PACS1: variants seen among roughly 807,000 people sequenced by gnomAD.
The protein encoded by PACS1 is phosphofurin acidic cluster sorting protein 1.
In PACS1, 24 loss-of-function variants were observed where a neutral mutation model predicts 115.0. The ratio of observed to expected loss-of-function variants is 0.21; its 90% CI spans 0.15 to 0.29. The LOEUF is 0.29. Ranked by LOEUF, PACS1 falls within the 10% of genes least tolerant of loss-of-function variation. The probability of loss-of-function intolerance (pLI) is 1.00; values close to 1 mark genes in which losing one functional copy is unlikely to be tolerated. For synonymous variants in PACS1, 453 were observed against 504.5 expected (o/e 0.90, Z 1.37); for missense variants, 838 against 1,251.2 (o/e 0.67, Z 4.98).
At position 66,144,722 on chromosome 11, in the gene PACS1, C is replaced by T. The variant is rs527249525; in HGVS notation, c.357-48764C>T. Among the ~76,000 whole-genome samples, 3 of 152,336 alleles carry T rather than the reference C, an allele frequency of 2.0e-5. No homozygotes were observed. In the East Asian group the frequency reaches 5.8e-4, roughly 29 times the overall value. ...AATCTCGGCTCGCTGCAACCTCTGC[C>T]TCCCGGGTTCAAGCAATTCTCTTGC... is the stretch of plus-strand genomic sequence containing the variant. On this transcript the variant is annotated intron_variant, in intron 1 of 23. Coordinates refer to ENST00000320580, the MANE Select transcript of PACS1 (RefSeq NM_018026.4).
chr11:66,124,565 C>T (rs1388193778), intron 1 of PACS1, among the ~76,000 whole-genome samples: 1 of 152,128 alleles, frequency 6.6e-6, no homozygotes. Context: ...GCACTTTAAC[C>T]TTGTTCTTTA....
intron 1 of PACS1, among the ~76,000 whole-genome samples, chr11:66,101,623 A>C (rs1442553023): frequency 6.6e-6 from 1 of 152,212 alleles, no homozygotes; most frequent in Non-Finnish European, 1.5e-5. Context: ...TGGGGTCTTC[A>C]ACCTGATGTG....
At chr11:66,193,424 G>A (rs1854574240) in intron 1 of PACS1, 62 bp from the exon 2 acceptor site, 3 of 1,159,302 alleles carry the variant, frequency 2.6e-6, no homozygotes, top group Admixed American at 3.5e-5. Context: ...CTAACCAATT[G>A]TTCATCACTT....
rs184403656 is a variant in PACS1 at position 66,241,337 on chromosome 11, C to T, written c.2430-90C>T. The stretch of plus-strand genomic sequence containing the variant: ...TGCAGCCTTCCTCAGCCTGCCCTCC[C>T]GGGGACTGGCATGGCCCCTACCCCA... On this transcript the variant is annotated intron_variant, in intron 21 of 23. Coordinates refer to ENST00000320580, the MANE Select transcript of PACS1 (RefSeq NM_018026.4). 53 of 963,648 alleles carry T rather than the reference C, an allele frequency of 5.5e-5. No individual in the cohort carries two copies. The East Asian group carries it at 6.4e-4, about 12-fold the overall frequency. The allele number at this position is 963,648 out of a possible 1,614,324, so 59.7% of individuals were successfully genotyped here.
intron 2 of PACS1, among the ~76,000 whole-genome samples, chr11:66,208,686 G>T (rs1227565347): frequency 1.4e-5 from 2 of 138,756 alleles, no homozygotes; most frequent in African/African-American, 5.5e-5. Flanking sequence ...AGAAGAAAAA[G>T]AAAGAAAGGA....
At chr11:66,234,582 A>G (rs1270856081) in intron 17 of PACS1, among the ~76,000 whole-genome samples, 3 of 152,226 alleles carry the variant, frequency 2.0e-5, no homozygotes, top group Non-Finnish European at 2.9e-5. Flanking sequence ...CACTTGATAA[A>G]TGAATAGCAC....
chr11:66,124,709 G>A (rs1295706214), intron 1 of PACS1, among the ~76,000 whole-genome samples: 2 of 152,188 alleles, frequency 1.3e-5, no homozygotes, highest in Non-Finnish European at 2.9e-5. Flanking sequence ...GACATCTTAG[G>A]TCAGTGTGTG....
At chr11:66,144,826 G>A (rs894575260) in intron 1 of PACS1, among the ~76,000 whole-genome samples, 5 of 152,104 alleles carry the variant, frequency 3.3e-5, no homozygotes, top group African/African-American at 7.2e-5. Context: ...GTAGAGATAG[G>A]GTTTCACCAT....
intron 1 of PACS1, among the ~76,000 whole-genome samples, chr11:66,086,019 T>G: frequency 6.6e-6 from 1 of 152,034 alleles, no homozygotes; most frequent in East Asian, 1.9e-4. Flanking sequence ...AAATGGTGAA[T>G]AAATCTTCAT....
At chr11:66,202,815 C>T (rs1361837298) in intron 2 of PACS1, among the ~76,000 whole-genome samples, 1 of 132,602 alleles carries the variant, frequency 7.5e-6, no homozygotes, top group East Asian at 2.3e-4. Context: ...TTCAACAAGG[C>T]TTCATGATAA....
At chr11:66,141,599 A>G (rs922302863) in intron 1 of PACS1, among the ~76,000 whole-genome samples, 3 of 148,982 alleles carry the variant, frequency 2.0e-5, no homozygotes, top group Admixed American at 6.7e-5. Context: ...GGCTACAGTG[A>G]GCCGAGATCA....
intron 1 of PACS1, among the ~76,000 whole-genome samples, chr11:66,084,779 T>C (rs1362381109): frequency 6.6e-6 from 1 of 152,264 alleles, no homozygotes; most frequent in Non-Finnish European, 1.5e-5. Flanking sequence ...TTAGCGACTT[T>C]CTGTGAGAAT....
chr11:66,110,966 A>G (rs958459691), intron 1 of PACS1, among the ~76,000 whole-genome samples: 8 of 152,256 alleles, frequency 5.3e-5, no homozygotes, highest in East Asian at 1.9e-4. Context: ...CACTTGACCT[A>G]TTTATCTGGT....
intron 1 of PACS1, among the ~76,000 whole-genome samples, chr11:66,151,494 C>T (rs919575213): frequency 6.6e-6 from 1 of 151,956 alleles, no homozygotes; most frequent in African/African-American, 2.4e-5. Flanking sequence ...GCATGGGAGA[C>T]CCCAGGGAGC....
intron 1 of PACS1, among the ~76,000 whole-genome samples, chr11:66,127,425 A>C (rs1012981622): frequency 6.6e-6 from 1 of 152,196 alleles, no homozygotes; most frequent in Non-Finnish European, 1.5e-5. Context: ...GCCCGACTGC[A>C]TCAAGAGCCT....
intron 1 of PACS1, among the ~76,000 whole-genome samples, chr11:66,131,046 C>G (rs1858689665): frequency 6.6e-6 from 1 of 152,026 alleles, no homozygotes; most frequent in South Asian, 2.1e-4. Flanking sequence ...TGCACTCCAG[C>G]CTGGGCAACA....
At chr11:66,205,282 G>A (rs1436797463) in intron 2 of PACS1, among the ~76,000 whole-genome samples, 1 of 151,946 alleles carries the variant, frequency 6.6e-6, no homozygotes. Context: ...ACCACGCCCA[G>A]CCAAAACAAT....
chr11:66,235,626 T>C lies in PACS1; in HGVS notation c.2207+223T>C, dbSNP rs1257290915. 10 of 601,780 alleles carry C rather than the reference T, an allele frequency of 1.7e-5. No individual in the cohort carries two copies. The East Asian group carries it at 2.8e-4, about 17-fold the overall frequency. 37.3% of individuals were successfully genotyped at this position (601,780 alleles called of 1,614,324 possible). A position where few individuals can be genotyped will look rare whatever the true frequency, so the allele number is the denominator to read the frequency against. On this transcript the variant is annotated intron_variant, in intron 18 of 23. Coordinates refer to ENST00000320580, the MANE Select transcript of PACS1 (RefSeq NM_018026.4). This position sits in a 1 kb window ranked among gnomAD's most constrained non-coding sequence, Gnocchi z 5.6. ...GTTCATCAGTTTCCTTTCCTGCCCTTCAGTATAAAGCAGCCCATCCTCATA... is the reference window on the plus strand; with the variant it reads ...GTTCATCAGTTTCCTTTCCTGCCCTCCAGTATAAAGCAGCCCATCCTCATA...
intron 7 of PACS1, among the ~76,000 whole-genome samples, chr11:66,219,066 T>C (rs1590827752): frequency 6.6e-6 from 1 of 151,632 alleles, no homozygotes; most frequent in Admixed American, 6.6e-5. Context: ...AGTCGGAGGG[T>C]AGCATGAGCA....
Sources: allele counts gnomAD v4.1 joint callset (sites outside exome capture counted in the v4.1 genomes callset), GRCh38; gene constraint gnomAD v4.1.1; non-coding constraint Gnocchi (gnomAD v3.1); transcripts MANE v1.5; gene names NCBI Gene and HGNC (gene_info 2026-07-23, HGNC 2026-07-21).